The following PNPLA7 variants were observed in gnomAD, a reference collection of about 807,000 sequenced individuals.
PNPLA7 encodes the protein patatin like domain 7, lysophospholipase, also known as patatin-like phospholipase domain-containing protein 7.
A neutral mutation model predicts 161.7 loss-of-function variants in PNPLA7; 153 were observed. That is an observed-to-expected ratio of 0.95 (90% CI 0.83 to 1.08). PNPLA7 has a LOEUF of 1.08. Ranked by LOEUF, PNPLA7 falls within the 50% of genes least tolerant of loss-of-function variation. The probability of loss-of-function intolerance (pLI) is 0.00; values close to 1 mark genes in which losing one functional copy is unlikely to be tolerated. For missense variants in PNPLA7, 1,739 were observed against 1,856.6 expected (o/e 0.94, Z 1.16); for synonymous variants, 809 against 782.1 (o/e 1.03, Z -0.57).
Position 137,543,542 on chromosome 9 carries a change from G to C in PNPLA7, c.396C>G (p.Ala132=), listed in dbSNP as rs1233854244. Reference sequence around the variant, plus strand: ...AGGGCGGGGGCTCCTTGGGCTGCAGGGCCGGGTATTCCTTCTTGAAACGCA... The same window carrying C: ...AGGGCGGGGGCTCCTTGGGCTGCAGCGCCGGGTATTCCTTCTTGAAACGCA... ...RILRFKKEYP[A]LQPKEPPPSL... The change falls in exon 6 of 35, where the codon GCC becomes GCG. Residue 132 remains alanine (A), a synonymous_variant. Transcript: ENST00000406427. The surrounding 1 kb of genome is among the most constrained non-coding windows in gnomAD (Gnocchi z 6.9). 3 of 1,613,676 alleles carry C rather than the reference G, an allele frequency of 1.9e-6. No individual in the cohort carries two copies. The highest frequency in any genetic ancestry group is 2.5e-6 in the Non-Finnish European group (3 of 1,179,800).
intron 8 of PNPLA7, among the ~76,000 whole-genome samples, chr9:137,527,624 C>G (rs1336197181): frequency 1.3e-5 from 2 of 152,118 alleles, no homozygotes; most frequent in Non-Finnish European, 2.9e-5. Context: ...ATGTATTATC[C>G]TTTTCCATAT....
At chr9:137,465,200 AGGAGACCCC>A (rs965941032) in intron 26 of PNPLA7, among the ~76,000 whole-genome samples, 1 of 152,146 alleles carries the variant, frequency 6.6e-6, no homozygotes, top group African/African-American at 2.4e-5. Context: ...CCACAGGCAG[AGGAGACCCC>A]GGTCCTTCCC....
At chr9:137,487,241 G>A (rs1832532855) in intron 20 of PNPLA7, among the ~76,000 whole-genome samples, 1 of 152,244 alleles carries the variant, frequency 6.6e-6, no homozygotes, top group Non-Finnish European at 1.5e-5. Context: ...ATCCCCAGCT[G>A]TTCACAGACC....
rs573888009 is a variant in PNPLA7, at chr9:137,541,103, A to G, written c.667-381T>C. Among the ~76,000 whole-genome samples the G allele has an allele frequency of 3.3e-5, 5 of 152,282 alleles. 1 individual carries two copies. The South Asian group carries it at 1.0e-3, about 32-fold the overall frequency. ...ACTTTGATATAATTTTCCATTAGGT[A>G]AAAAAAGAAAAGAAACCGCGCTATT... is the stretch of plus-strand genomic sequence containing the variant. On this transcript the variant is annotated intron_variant, in intron 7 of 34. Transcript: ENST00000406427. This position sits in a 1 kb window ranked among gnomAD's most constrained non-coding sequence, Gnocchi z 4.4.
rs1252455877 is a variant in PNPLA7 at position 137,543,770 on chromosome 9, G to T, written c.319C>A (p.Arg107=). The T allele has an allele frequency of 1.2e-6, 2 of 1,613,638 alleles. No individual in the cohort carries two copies. The highest frequency in any genetic ancestry group is 3.3e-5 in the Admixed American group (2 of 59,984). Residue 107 remains arginine (R), a synonymous_variant, in exon 5 of 35, where the codon CGG becomes AGG. Transcript: ENST00000406427. The surrounding 1 kb of genome is among the most constrained non-coding windows in gnomAD (Gnocchi z 6.9). The stretch of plus-strand genomic sequence containing the variant: ...TTGGTCCTCTTCCTGGCCCGCTGCC[G>T]GGGCAGGGCAGTGTTCTCCACAAGG... ...NTLVENTALP[R]QRARKRTKVL...
chr9:137,494,758 C>A (rs578149374), intron 19 of PNPLA7, among the ~76,000 whole-genome samples: 2 of 150,794 alleles, frequency 1.3e-5, no homozygotes, highest in South Asian at 4.2e-4. Context: ...CTGCGCCCTG[C>A]CCTCACCTGC....
intron 20 of PNPLA7, among the ~76,000 whole-genome samples, chr9:137,488,059 C>T (rs1473391905): frequency 3.9e-5 from 6 of 152,256 alleles, no homozygotes. Flanking sequence ...AAACAATGCA[C>T]ACACACACCA....
At chr9:137,478,220 C>T in intron 24 of PNPLA7, 68 bp from the exon 25 acceptor site, 1 of 1,163,800 alleles carries the variant, frequency 8.6e-7, no homozygotes, top group East Asian at 3.2e-5. Flanking sequence ...CGCATCCTGG[C>T]TTGACTGGGG....
In PNPLA7 at chr9:137,480,471, C is replaced by T. The variant is rs755032197; in HGVS notation, c.2421G>A (p.Glu807=). The T allele has an allele frequency of 2.5e-6, 4 of 1,610,690 alleles. No individual in the cohort carries two copies. Among genetic ancestry groups the T allele is most frequent in the South Asian group, 2.2e-5 (2 of 90,846 alleles). The part of the protein sequence containing the change: ...LGSAALDSVH[E]YRLSSWLGQQ... ...GCCCCAGCCAGCTGGACAGCCGGTACTCGTGAACACTGCAGCACGCAGAGG... is the reference window on the plus strand; with the variant it reads ...GCCCCAGCCAGCTGGACAGCCGGTATTCGTGAACACTGCAGCACGCAGAGG... The change falls in exon 23 of 35, where the codon GAG becomes GAA. Residue 807 remains glutamate (E), a synonymous_variant. Transcript: ENST00000406427.
At chr9:137,498,683 G>A (rs1437312792) in intron 16 of PNPLA7, among the ~76,000 whole-genome samples, 1 of 152,230 alleles carries the variant, frequency 6.6e-6, no homozygotes, top group Non-Finnish European at 1.5e-5. Context: ...GGTCTCTCCT[G>A]GGTGGGTGGA....
In PNPLA7 at chr9:137,467,193, G is replaced by T; in HGVS notation, c.3039+124C>A. The T allele has an allele frequency of 7.6e-7, 1 of 1,308,016 alleles. No individual in the cohort carries two copies. Among genetic ancestry groups the T allele is most frequent in the Non-Finnish European group, 1.0e-6 (1 of 977,124 alleles). The allele number at this position is 1,308,016 out of a possible 1,614,324, so 81.0% of individuals were successfully genotyped here. On this transcript the variant is annotated intron_variant, in intron 26 of 34. Coordinates refer to ENST00000406427, the MANE Select transcript of PNPLA7 (RefSeq NM_001098537.3). This position sits in a 1 kb window ranked among gnomAD's most constrained non-coding sequence, Gnocchi z 5.1. ...ACAAGCTGCACTGGGAGGCTTCAGG[G>T]GGTAGCCTCCTCGAGGGCAGGGCCC... is the stretch of plus-strand genomic sequence containing the variant.
chr9:137,518,422 C>T (rs1443394567), intron 11 of PNPLA7, among the ~76,000 whole-genome samples: 6 of 75,576 alleles, frequency 7.9e-5, no homozygotes, highest in South Asian at 1.2e-3. Context: ...CTCACTCCAT[C>T]CCCCACTCAC....
At chr9:137,505,226 A>G (rs1034325816) in intron 14 of PNPLA7, among the ~76,000 whole-genome samples, 1 of 149,830 alleles carries the variant, frequency 6.7e-6, no homozygotes, top group Non-Finnish European at 1.5e-5. Flanking sequence ...CATCATATGT[A>G]AGAAATTAAA....
rs369435624 is a variant in PNPLA7 at position 137,515,412 on chromosome 9, C to T, written c.1192G>A (p.Gly398Arg). Residue 398 changes from glycine (G) to arginine (R), a missense_variant, in exon 12 of 35, where the codon GGG (glycine) becomes AGG (arginine). Around this residue, in one of 6 missense-constraint regions of PNPLA7, gnomAD observed 481 missense variants for 450.0 expected, o/e 1.07. Transcript: ENST00000406427. Reference sequence around the variant, plus strand: ...GCCGAAGGGTCAGGGTCACCTGCCCCGGGCTTCTCCAGCTCCTCCAAGATC... The same window carrying T: ...GCCGAAGGGTCAGGGTCACCTGCCCTGGGCTTCTCCAGCTCCTCCAAGATC... ...KQILEELEKP[G>R]AGDPDPSAPQ... 30 of 1,603,844 alleles carry T rather than the reference C, an allele frequency of 1.9e-5. No homozygotes were observed. Among genetic ancestry groups the T allele is most frequent in the East Asian group, 4.5e-5 (2 of 44,562 alleles).
At chr9:137,472,559 G>C (rs1213658741) in intron 25 of PNPLA7, among the ~76,000 whole-genome samples, 1 of 149,800 alleles carries the variant, frequency 6.7e-6, no homozygotes, top group African/African-American at 2.5e-5. Flanking sequence ...GCTGAGGCAG[G>C]AGAATCACTT....
intron 22 of PNPLA7, 185 bp downstream of exon 22, chr9:137,480,775 T>C: frequency 2.5e-6 from 2 of 790,978 alleles, no homozygotes; most frequent in East Asian, 2.7e-5. Context: ...GGCCTGACAG[T>C]GCCCAGCAGG....
At chr9:137,460,569 C>G (rs1831129098) in intron 34 of PNPLA7, 65 bp downstream of exon 34, 1 of 1,594,586 alleles carries the variant, frequency 6.3e-7, no homozygotes, top group African/African-American at 1.3e-5. Context: ...AGGGAGTGGC[C>G]GGCACAGGGC....
intron 25 of PNPLA7, among the ~76,000 whole-genome samples, chr9:137,469,781 C>T (rs1173446954): frequency 6.6e-6 from 1 of 152,184 alleles, no homozygotes; most frequent in Non-Finnish European, 1.5e-5. Context: ...ATTCGACGGA[C>T]AGCCCGGGTG....
chr9:137,492,252 G>A, intron 20 of PNPLA7: 2 of 985,238 alleles, frequency 2.0e-6, no homozygotes, highest in South Asian at 9.4e-5. Context: ...TCCATGCTGA[G>A]CACAGGAGAG....
Sources: allele counts gnomAD v4.1 joint callset (sites outside exome capture counted in the v4.1 genomes callset), GRCh38; gene constraint gnomAD v4.1.1; regional missense constraint gnomAD v4.1.1; non-coding constraint Gnocchi (gnomAD v3.1); transcripts MANE v1.5; gene names NCBI Gene and HGNC (gene_info 2026-07-23, HGNC 2026-07-21).